LRFN2: variants seen among roughly 807,000 people sequenced by gnomAD.
LRFN2 encodes leucine-rich repeat and fibronectin type-III domain-containing protein 2.
Under a neutral mutation model 37.3 loss-of-function variants are expected in LRFN2, and 18 were observed. The ratio of observed to expected loss-of-function variants is 0.48; its 90% CI spans 0.33 to 0.72. The LOEUF is 0.72. Among genes scored for constraint, LRFN2 ranks in the 30% least tolerant of loss-of-function variants. LRFN2 has a pLI of 0.02. For synonymous variants in LRFN2, 556 were observed against 466.6 expected (o/e 1.19, Z -2.47); for missense variants, 1,006 against 1,060.7 (o/e 0.95, Z 0.72).
At chr6:40,471,788 C>T (rs1007188742) in intron 1 of LRFN2, among the ~76,000 whole-genome samples, 1 of 152,156 alleles carries the variant, frequency 6.6e-6, no homozygotes, top group Non-Finnish European at 1.5e-5. Flanking sequence ...AAGAGAGGTG[C>T]CTTCTCTGGG....
intron 1 of LRFN2, among the ~76,000 whole-genome samples, chr6:40,481,133 A>G (rs568685314): frequency 6.6e-6 from 1 of 152,114 alleles, no homozygotes; most frequent in Non-Finnish European, 1.5e-5. Flanking sequence ...TTTAGTTTTG[A>G]AGGAAGAAAA....
intron 1 of LRFN2, among the ~76,000 whole-genome samples, chr6:40,578,444 C>T (rs147644887): frequency 5.7e-4 from 87 of 152,334 alleles, no homozygotes; most frequent in African/African-American, 1.9e-3. Flanking sequence ...CACTTCATAA[C>T]ATCTGTGCCT....
At chr6:40,546,331 G>A (rs913916344) in intron 1 of LRFN2, among the ~76,000 whole-genome samples, 15 of 152,112 alleles carry the variant, frequency 9.9e-5, no homozygotes, top group South Asian at 2.1e-4. Flanking sequence ...AAACTTTCCC[G>A]TTGTAACCTA....
chr6:40,525,345 A>G (rs1235878913), intron 1 of LRFN2, among the ~76,000 whole-genome samples: 1 of 152,208 alleles, frequency 6.6e-6, no homozygotes, highest in Non-Finnish European at 1.5e-5. Flanking sequence ...ACAAATGACA[A>G]CTAAATGGTT....
At chr6:40,434,033 C>T (rs1763579835) in intron 1 of LRFN2, among the ~76,000 whole-genome samples, 1 of 152,158 alleles carries the variant, frequency 6.6e-6, no homozygotes, top group Admixed American at 6.5e-5. Flanking sequence ...CATGATCATC[C>T]CTGCCCCGCC....
intron 1 of LRFN2, among the ~76,000 whole-genome samples, chr6:40,553,556 T>G: frequency 6.6e-6 from 1 of 152,120 alleles, no homozygotes; most frequent in East Asian, 1.9e-4. Flanking sequence ...CCCACTGTGT[T>G]CTGGTGGGGA....
chr6:40,521,305 G>A (rs1400642651), intron 1 of LRFN2, among the ~76,000 whole-genome samples: 2 of 152,132 alleles, frequency 1.3e-5, no homozygotes, highest in African/African-American at 4.8e-5. Context: ...GGTTTAGAAA[G>A]GGCACTGACA....
At position 40,467,992 on chromosome 6, in the gene LRFN2, A is replaced by T. The variant is rs368446158; in HGVS notation, c.-18-34861T>A. 1.1e-4 allele frequency among the ~76,000 whole-genome samples: 17 copies of T among 152,212 alleles called. No homozygotes were observed. In the South Asian group the frequency reaches 3.5e-3, roughly 32 times the overall value. On this transcript the variant is annotated intron_variant, in intron 1 of 2. Transcript: ENST00000338305. ...TTCAGGAATTTCCATATCTGACAGG[A>T]CATACTCATCCAGCTCCAGTCCCTG...
At chr6:40,498,478 C>G (rs535549249) in intron 1 of LRFN2, among the ~76,000 whole-genome samples, 1 of 152,202 alleles carries the variant, frequency 6.6e-6, no homozygotes, top group Admixed American at 6.5e-5. Context: ...GTCACCTGCA[C>G]TGTGGCTGCC....
intron 1 of LRFN2, among the ~76,000 whole-genome samples, chr6:40,487,467 C>T (rs1394593827): frequency 1.3e-5 from 2 of 152,246 alleles, no homozygotes; most frequent in East Asian, 3.9e-4. Context: ...CTCCCGCAGC[C>T]TTCCTCATCT....
At chr6:40,560,337 G>A (rs980558056) in intron 1 of LRFN2, among the ~76,000 whole-genome samples, 1 of 152,134 alleles carries the variant, frequency 6.6e-6, no homozygotes, top group Non-Finnish European at 1.5e-5. Flanking sequence ...CCCATGACCA[G>A]GCACCAGGAT....
chr6:40,581,253 C>A (rs1057133398), intron 1 of LRFN2, among the ~76,000 whole-genome samples: 2 of 152,142 alleles, frequency 1.3e-5, no homozygotes, highest in Admixed American at 1.3e-4. Context: ...TAGATGGCTC[C>A]GCAGAGATGT....
chr6:40,505,050 G>A (rs952116079), intron 1 of LRFN2, among the ~76,000 whole-genome samples: 9 of 152,244 alleles, frequency 5.9e-5, no homozygotes, highest in Non-Finnish European at 1.3e-4. Context: ...TACGAGCCTA[G>A]ATCTTTGGAG....
chr6:40,434,210 G>A (rs767166534), intron 1 of LRFN2, among the ~76,000 whole-genome samples: 8 of 152,184 alleles, frequency 5.3e-5, no homozygotes, highest in Admixed American at 2.0e-4. Flanking sequence ...AGCCTAAAGC[G>A]CTGCCTGGCA....
chr6:40,547,426 G>C (rs1327592279), intron 1 of LRFN2, among the ~76,000 whole-genome samples: 1 of 152,058 alleles, frequency 6.6e-6, no homozygotes, highest in Non-Finnish European at 1.5e-5. Flanking sequence ...TTAAATGTCA[G>C]TTAGTGGCCC....
chr6:40,503,142 GTCTCGGATATGGAGATGA>G (rs1216570989), intron 1 of LRFN2, among the ~76,000 whole-genome samples: 2 of 152,224 alleles, frequency 1.3e-5, no homozygotes, highest in African/African-American at 2.4e-5. Flanking sequence ...CGAGGGCCAG[GTCTCGGATATGGAGATGA>G]TCTCACAAAC....
At chr6:40,481,646 C>T (rs1431361455) in intron 1 of LRFN2, among the ~76,000 whole-genome samples, 3 of 151,976 alleles carry the variant, frequency 2.0e-5, no homozygotes, top group Admixed American at 6.6e-5. Context: ...ACATGTAAGA[C>T]CAGGGAATAG....
chr6:40,440,377 C>A (rs554259196), intron 1 of LRFN2, among the ~76,000 whole-genome samples: 7 of 152,160 alleles, frequency 4.6e-5, no homozygotes, highest in Non-Finnish European at 7.3e-5. Flanking sequence ...CACCTGGGAA[C>A]CCCTTCTTGG....
intron 1 of LRFN2, among the ~76,000 whole-genome samples, chr6:40,505,704 T>G (rs1208463143): frequency 1.3e-5 from 2 of 152,128 alleles, no homozygotes; most frequent in African/African-American, 4.8e-5. Context: ...CAGGGGCCTC[T>G]AGGGTGGCAC....
Sources: gnomAD v4.1 joint callset for allele counts (sites outside exome capture counted in the v4.1 genomes callset) on GRCh38, gnomAD v4.1.1 for gene constraint, MANE v1.5 for transcripts, NCBI Gene and HGNC (gene_info 2026-07-23, HGNC 2026-07-21) for gene names.